The following LMLN variants were observed in gnomAD, a reference collection of about 807,000 sequenced individuals.
The protein encoded by LMLN is leishmanolysin-like peptidase.
A neutral mutation model predicts 92.3 loss-of-function variants in LMLN; 70 were observed. The ratio of observed to expected loss-of-function variants is 0.76; its 90% confidence interval spans 0.63 to 0.92. The LOEUF (loss-of-function observed/expected upper bound fraction) is 0.92, where lower values mean the gene tolerates loss of function less well. LMLN is among the 40% of genes least tolerant of loss of function. The pLI, the probability that LMLN is intolerant of heterozygous loss-of-function variation, is 0.00. For synonymous variants in LMLN, 308 were observed against 296.2 expected (o/e 1.04, Z -0.41); for missense variants, 691 against 814.6 (o/e 0.85, Z 1.85).
At chr3:197,989,626 A>C (rs138673210) in intron 8 of LMLN, among the ~76,000 whole-genome samples, 1 of 152,214 alleles carries the variant, frequency 6.6e-6, no homozygotes, top group Non-Finnish European at 1.5e-5. Flanking sequence ...AGTGCTAGCT[A>C]TGTGAACTTG....
intron 11 of LMLN, among the ~76,000 whole-genome samples, chr3:198,006,242 G>A (rs988304106): frequency 1.3e-5 from 2 of 152,156 alleles, no homozygotes; most frequent in Non-Finnish European, 2.9e-5. Context: ...GTTGTTGTAT[G>A]TATCAATAAT....
chr3:197,976,099 T>C, exon 4 of LMLN: 1 of 1,601,488 alleles, frequency 6.2e-7, no homozygotes, highest in Non-Finnish European at 8.5e-7. Context: ...GCGGGCACTA[T>C]CTTACTTAGC....
intron 8 of LMLN, 55 bp from the exon 9 acceptor site, chr3:197,990,504 A>T: frequency 1.3e-6 from 1 of 745,172 alleles, no homozygotes; most frequent in Non-Finnish European, 2.3e-6. Flanking sequence ...AAATATTTTT[A>T]TATTTAAAAT....
intron 4 of LMLN, 57 bp downstream of exon 4, chr3:197,976,168 C>A: frequency 9.5e-7 from 1 of 1,049,760 alleles, no homozygotes; most frequent in Non-Finnish European, 1.4e-6. Flanking sequence ...CTGCCTTTCT[C>A]GTTCTATGAA....
At chr3:198,036,574 C>T (rs934127624) in intron 15 of LMLN, among the ~76,000 whole-genome samples, 3 of 152,036 alleles carry the variant, frequency 2.0e-5, no homozygotes, top group Non-Finnish European at 4.4e-5. Context: ...ACCGAGTGCT[C>T]GTTCTGTGAG....
chr3:198,007,319 A>G (rs1170746351), intron 11 of LMLN, among the ~76,000 whole-genome samples: 1 of 152,188 alleles, frequency 6.6e-6, no homozygotes, highest in East Asian at 1.9e-4. Flanking sequence ...TACACTTTAC[A>G]TTTAAGTCCA....
intron 1 of LMLN, among the ~76,000 whole-genome samples, chr3:197,973,775 A>G (rs1721294696): frequency 6.6e-6 from 1 of 152,238 alleles, no homozygotes. Context: ...TAGTATAAAA[A>G]TAAAAATGTG....
intron 7 of LMLN, among the ~76,000 whole-genome samples, chr3:197,984,459 AT>A (rs1721642861): frequency 6.6e-6 from 1 of 151,920 alleles, no homozygotes; most frequent in Admixed American, 6.6e-5. Context: ...TTGGAAGTAT[AT>A]AGATACGGCA....
At chr3:198,001,060 CCTT>C (rs1033290019) in intron 11 of LMLN, among the ~76,000 whole-genome samples, 2 of 152,180 alleles carry the variant, frequency 1.3e-5, no homozygotes, top group African/African-American at 2.4e-5. Context: ...TAGTGCTCAT[CCTT>C]CTGAGTTGAG....
intron 12 of LMLN, among the ~76,000 whole-genome samples, chr3:198,020,374 T>C (rs565810207): frequency 6.6e-6 from 1 of 152,332 alleles, no homozygotes; most frequent in African/African-American, 2.4e-5. Context: ...AAGGAACCTT[T>C]TGTCAGAAAT....
chr3:198,020,908 C>G (rs1722763619), intron 12 of LMLN, among the ~76,000 whole-genome samples: 3 of 148,978 alleles, frequency 2.0e-5, no homozygotes, highest in African/African-American at 7.4e-5. Context: ...CAGGCGTGAT[C>G]CACCATGCCC....
Position 198,039,039 on chromosome 3 carries a change from C to T in LMLN, c.*372C>T, listed in dbSNP as rs559765965. On this transcript the variant is annotated 3_prime_UTR_variant, in exon 16 of 16. Transcript: ENST00000330198. ...CCCAACCACCTCATCAGCAAACCAACCACTTTCATCTGCAACCCAACCACT... is the reference window on the plus strand; with the variant it reads ...CCCAACCACCTCATCAGCAAACCAATCACTTTCATCTGCAACCCAACCACT... 125 of 200,564 alleles carry T rather than the reference C, an allele frequency of 6.2e-4. 2 individuals carry two copies. The highest frequency in any genetic ancestry group is 4.8e-4 in the Non-Finnish European group (47 of 98,362). The allele number at this position is 200,564 out of a possible 1,614,324, so 12.4% of individuals were successfully genotyped here.
exon 14 of LMLN, chr3:198,024,692 A>T (rs1280648145): frequency 3.1e-6 from 5 of 1,609,312 alleles, no homozygotes; most frequent in Non-Finnish European, 4.2e-6. Flanking sequence ...AAAAGTATGG[A>T]CCTCATTCCG....
intron 8 of LMLN, among the ~76,000 whole-genome samples, chr3:197,987,291 C>G (rs1721739384): frequency 6.6e-6 from 1 of 151,780 alleles, no homozygotes; most frequent in South Asian, 2.1e-4. Flanking sequence ...TCCCAAGTAG[C>G]TGGGACTACA....
At chr3:197,976,371 C>G in intron 4 of LMLN, 1 of 481,552 alleles carries the variant, frequency 2.1e-6, no homozygotes, top group South Asian at 3.9e-5. Context: ...CTTTTTCCCT[C>G]TTTCATGTGG....
rs1004635594 is a variant in LMLN at position 198,014,064 on chromosome 3, A to G, written c.1233-5189A>G. On this transcript the variant is annotated intron_variant, in intron 11 of 15. Transcript: ENST00000330198. ...AGTCTGACTTCTCTGTACCCTTCAG[A>G]GCCTCCTAACTAGTCTGACTTCTCT... is the stretch of plus-strand genomic sequence containing the variant. Among the ~76,000 whole-genome samples the G allele has an allele frequency of 4.1e-5, 6 of 145,382 alleles. No individual in the cohort carries two copies. The South Asian group carries it at 1.3e-3, about 32-fold the overall frequency.
chr3:198,036,151 T>A, intron 15 of LMLN, 108 bp downstream of exon 16: 1 of 942,246 alleles, frequency 1.1e-6, no homozygotes, highest in South Asian at 1.5e-5. Flanking sequence ...AAGTTGAGTT[T>A]CTTCTCTGCT....
chr3:198,035,183 A>T (rs1371679384), intron 14 of LMLN, among the ~76,000 whole-genome samples: 1 of 145,124 alleles, frequency 6.9e-6, no homozygotes, highest in African/African-American at 2.6e-5. Flanking sequence ...CCTGGGCAAC[A>T]GAGCAAGACC....
At chr3:198,039,846 C>T (rs888185140) in exon 16 of LMLN, 2 of 152,106 alleles carry the variant, frequency 1.3e-5, no homozygotes, top group Non-Finnish European at 2.9e-5. Flanking sequence ...GTATTCATCC[C>T]TCTTCAGAGC....
Sources: gnomAD v4.1 joint callset for allele counts (sites outside exome capture counted in the v4.1 genomes callset) on GRCh38, gnomAD v4.1.1 for gene constraint, MANE v1.5 for transcripts, NCBI Gene and HGNC (gene_info 2026-07-23, HGNC 2026-07-21) for gene names.